The following FASTKD5 variants were observed in gnomAD, a reference collection of about 807,000 sequenced individuals.
The protein encoded by FASTKD5 is non-canonical pre-mRNAs endonuclease FASTKD5, mitochondrial.
A neutral mutation model predicts 44.0 loss-of-function variants in FASTKD5; 30 were observed. The ratio of observed to expected loss-of-function variants is 0.68; its 90% CI spans 0.51 to 0.93. The LOEUF is 0.93. Ranked by LOEUF, FASTKD5 falls within the 40% of genes least tolerant of loss-of-function variation. The pLI, the probability that FASTKD5 is intolerant of heterozygous loss-of-function variation, is 0.00. For missense variants in FASTKD5, 868 were observed against 908.2 expected, an observed-to-expected ratio of 0.96 and a Z score of 0.57; for synonymous variants, 335 against 342.2, an observed-to-expected ratio of 0.98 and a Z score of 0.23.
intron 1 of FASTKD5, among the ~76,000 whole-genome samples, chr20:3,152,871 A>G (rs2066645744): frequency 6.6e-6 from 1 of 151,964 alleles, no homozygotes; most frequent in Admixed American, 6.6e-5. Context: ...ATACTACTGC[A>G]TTGCAGCCTG....
chr20:3,153,992 A>C (rs142954866), intron 1 of FASTKD5, among the ~76,000 whole-genome samples: 1 of 152,292 alleles, frequency 6.6e-6, no homozygotes, highest in East Asian at 1.9e-4. Context: ...CTGTACTTTA[A>C]AAAAGAACAA....
In FASTKD5 at chr20:3,146,713, T is replaced by C; in HGVS notation, c.*63A>G. 6.6e-7 allele frequency: 1 copy of C among 1,518,596 alleles called. No individual in the cohort carries two copies. Among genetic ancestry groups the C allele is most frequent in the Non-Finnish European group, 8.8e-7 (1 of 1,132,104 alleles). 94.1% of individuals were successfully genotyped at this position (1,518,596 alleles called of 1,614,324 possible). A position where few individuals can be genotyped will look rare whatever the true frequency, so the allele number is the denominator to read the frequency against. On this transcript the variant is annotated 3_prime_UTR_variant, in exon 2 of 2. Transcript: ENST00000380266. ...ACTTACATTCTGGCTTTTATAATCA[T>C]TTTGCAACACCTGGTACAGTATACA...
chr20:3,157,965 C>G (rs1005820905), intron 1 of FASTKD5, among the ~76,000 whole-genome samples: 1 of 151,902 alleles, frequency 6.6e-6, no homozygotes, highest in Non-Finnish European at 1.5e-5. Context: ...GTGCAATCTC[C>G]GCTCACTGCA....
At chr20:3,152,648 C>T (rs1266015685) in intron 1 of FASTKD5, among the ~76,000 whole-genome samples, 10 of 152,154 alleles carry the variant, frequency 6.6e-5, no homozygotes, top group Admixed American at 6.5e-4. Context: ...TGGCTCACAC[C>T]TATAATCCCA....
rs746224837 is a variant in FASTKD5, at chr20:3,149,003, C to T, written c.68G>A (p.Gly23Asp). 3 of 1,613,910 alleles carry T rather than the reference C, an allele frequency of 1.9e-6. No individual in the cohort carries two copies. Among genetic ancestry groups the T allele is most frequent in the Non-Finnish European group, 2.5e-6 (3 of 1,180,006 alleles). The change falls in exon 2 of 2, where the codon GGT (glycine) becomes GAT (aspartate). Residue 23 changes from glycine to aspartate, a missense_variant. Coordinates refer to ENST00000380266, the MANE Select transcript of FASTKD5 (RefSeq NM_021826.5). The surrounding 1 kb of genome is among the most constrained non-coding windows in gnomAD (Gnocchi z 4.1). ...YRAFCSPSAF[G>D]AVRSVSYWNV... ...CCAGTATGACACACTTCGGACTGCA[C>T]CAAAGGCAGAAGGACTGCAAAATGC...
At position 3,146,556 on chromosome 20, in the gene FASTKD5, T is replaced by C. The variant is rs1462874185; in HGVS notation, c.*220A>G. 3 of 516,948 alleles carry C rather than the reference T, an allele frequency of 5.8e-6. No homozygotes were observed. The highest frequency in any genetic ancestry group is 1.0e-5 in the Non-Finnish European group (3 of 296,982). The allele number at this position is 516,948 out of a possible 1,614,324, so 32.0% of individuals were successfully genotyped here. A position where few individuals can be genotyped will look rare whatever the true frequency, so the allele number is the denominator to read the frequency against. On this transcript the variant is annotated 3_prime_UTR_variant, in exon 2 of 2. Coordinates refer to ENST00000380266, the MANE Select transcript of FASTKD5 (RefSeq NM_021826.5). ...AGGACATATTAAGATGTTTATTATT[T>C]ACTAAGAGTAACATGTATACATTTG...
In FASTKD5 at chr20:3,147,519, C is replaced by T. The variant is rs754360558; in HGVS notation, c.1552G>A (p.Asp518Asn). ...GGACACTCAATGCCAACTGTACCAT[C>T]GAGGGTATATAGTTCCTTAAGGAGG... Reference protein sequence around the residue: ...FDLLKELYTLDGTVGIECPDY... With the variant: ...FDLLKELYTLNGTVGIECPDY... Residue 518 changes from aspartate (D) to asparagine (N), a missense_variant, in exon 2 of 2, where the codon GAT (aspartate) becomes AAT (asparagine). Asp to Asn is a conservative substitution (Grantham distance 23). Coordinates refer to ENST00000380266, the MANE Select transcript of FASTKD5 (RefSeq NM_021826.5). 4 of 1,614,194 alleles carry T rather than the reference C, an allele frequency of 2.5e-6. No individual in the cohort carries two copies. Among genetic ancestry groups the T allele is most frequent in the Non-Finnish European group, 3.4e-6 (4 of 1,180,030 alleles).
At position 3,147,731 on chromosome 20, in the gene FASTKD5, G is replaced by T; in HGVS notation, c.1340C>A (p.Ala447Glu). The T allele has an allele frequency of 6.2e-7, 1 of 1,614,202 alleles. No individual in the cohort carries two copies. Among genetic ancestry groups the T allele is most frequent in the Non-Finnish European group, 8.5e-7 (1 of 1,180,040 alleles). Residue 447 changes from alanine (A) to glutamate (E), a missense_variant, in exon 2 of 2, where the codon GCA (alanine) becomes GAA (glutamate). Coordinates refer to ENST00000380266, the MANE Select transcript of FASTKD5 (RefSeq NM_021826.5). Reference protein sequence around the residue: ...FGTLNYKPPNAEEFYSSLISE... With the variant: ...FGTLNYKPPNEEEFYSSLISE... ...TATCAGGCTGGAGTAAAATTCTTCTGCATTGGGTGGCTTATAATTCAGAGT... is the reference window on the plus strand; with the variant it reads ...TATCAGGCTGGAGTAAAATTCTTCTTCATTGGGTGGCTTATAATTCAGAGT...
At position 3,148,045 on chromosome 20, in the gene FASTKD5, G is replaced by T; in HGVS notation, c.1026C>A (p.Asp342Glu). The T allele has an allele frequency of 1.9e-6, 3 of 1,614,170 alleles. No individual in the cohort carries two copies. Among genetic ancestry groups the T allele is most frequent in the Non-Finnish European group, 2.5e-6 (3 of 1,180,038 alleles). Residue 342 changes from aspartate (D) to glutamate (E), a missense_variant, in exon 2 of 2, where the codon GAC becomes GAA. Coordinates refer to ENST00000380266, the MANE Select transcript of FASTKD5 (RefSeq NM_021826.5). ...LSEFVMRKIG[D>E]LACANIQHLS... The stretch of plus-strand genomic sequence containing the variant: ...GATGCTGAATGTTAGCACAAGCCAA[G>T]TCTCCAATTTTCCGCATGACAAATT...
At chr20:3,154,321 A>G (rs1271782954) in intron 1 of FASTKD5, among the ~76,000 whole-genome samples, 1 of 152,258 alleles carries the variant, frequency 6.6e-6, no homozygotes, top group Non-Finnish European at 1.5e-5. Flanking sequence ...ACAAAAAGCC[A>G]TGCTAATAAA....
At chr20:3,157,837 AAGGCTGTATAG>A (rs1302842545) in intron 1 of FASTKD5, among the ~76,000 whole-genome samples, 11 of 152,226 alleles carry the variant, frequency 7.2e-5, no homozygotes, top group Admixed American at 1.3e-4. Flanking sequence ...TACAATTTGC[AAGGCTGTATAG>A]AGGCTGTATA....
In FASTKD5 at chr20:3,149,904, AGCTACTCAGGAGGCTGAGGCAGG is replaced by A. The variant is rs2066607467; in HGVS notation, c.-190-667_-190-645del. Among the ~76,000 whole-genome samples, 1 of 152,018 alleles carries A rather than the reference AGCTACTCAGGAGGCTGAGGCAGG, an allele frequency of 6.6e-6. No homozygotes were observed. Among genetic ancestry groups the A allele is most frequent in the Admixed American group, 6.6e-5 (1 of 15,242 alleles). ...TGTGGCAGCACACACCTGTAATCCC[AGCTACTCAGGAGGCTGAGGCAGG>A]AGAATCCCTTGAACCCAGGAGGCAG... On this transcript the variant is annotated intron_variant, in intron 1 of 1. Transcript: ENST00000380266. The surrounding 1 kb of genome is among the most constrained non-coding windows in gnomAD (Gnocchi z 4.1).
Position 3,148,145 on chromosome 20 carries a change from T to C in FASTKD5, c.926A>G (p.Tyr309Cys), listed in dbSNP as rs1479544419. 2.5e-6 allele frequency: 4 copies of C among 1,613,784 alleles called. No homozygotes were observed. Among genetic ancestry groups the C allele is most frequent in the Non-Finnish European group, 3.4e-6 (4 of 1,179,974 alleles). The change falls in exon 2 of 2, where the codon TAT (tyrosine) becomes TGT (cysteine). Residue 309 changes from tyrosine (Y) to cysteine (C), a missense_variant. By Grantham distance (194) the Tyr-to-Cys change is radical. Transcript: ENST00000380266. ...MQKLESLILK[Y>C]IDLINLEEVG... is the part of the protein sequence containing the mutation. The stretch of plus-strand genomic sequence containing the variant: ...CTCCTCCAAATTGATCAAATCTATA[T>C]ATTTAAGGATCAATGATTCCAATTT...
intron 1 of FASTKD5, among the ~76,000 whole-genome samples, chr20:3,153,494 C>T (rs2066652581): frequency 6.6e-6 from 1 of 152,226 alleles, no homozygotes; most frequent in South Asian, 2.1e-4. Context: ...CCAAAAGTTA[C>T]ACAGCCAAGG....
rs1384310625 is a variant in FASTKD5 at position 3,148,802 on chromosome 20, G to A, written c.269C>T (p.Thr90Ile). The A allele has an allele frequency of 3.1e-6, 5 of 1,614,244 alleles. No individual in the cohort carries two copies. Among genetic ancestry groups the A allele is most frequent in the Non-Finnish European group, 3.4e-6 (4 of 1,180,034 alleles). Residue 90 changes from threonine to isoleucine, a missense_variant, in exon 2 of 2, where the codon ACA (threonine) becomes ATA (isoleucine). Physicochemically the swap from Thr to Ile is moderately conservative, Grantham distance 89 (BLOSUM62 -1). Coordinates refer to ENST00000380266, the MANE Select transcript of FASTKD5 (RefSeq NM_021826.5). Reference sequence around the variant, plus strand: ...GGCCCTGGGTGAGCCCAGCTGCAATGTACTGGCCTTAGAGGAAGAAGTCTT... The same window carrying A: ...GGCCCTGGGTGAGCCCAGCTGCAATATACTGGCCTTAGAGGAAGAAGTCTT... ...FSKTSSSKAS[T>I]LQLGSPRATG...
In FASTKD5 at chr20:3,146,846, G is replaced by A. The variant is rs1338312272; in HGVS notation, c.2225C>T (p.Pro742Leu). The change falls in exon 2 of 2, where the codon CCA becomes CTA. Residue 742 changes from proline (P) to leucine (L), a missense_variant. Transcript: ENST00000380266. ...VVELSYWEWL[P>L]LLKRTRLEKL... The stretch of plus-strand genomic sequence containing the variant: ...TTCTAAGCGAGTTCGTTTCAGTAGT[G>A]GGAGCCATTCCCAGTAGGATAACTC... The A allele has an allele frequency of 1.2e-6, 2 of 1,614,062 alleles. No individual in the cohort carries two copies. Among genetic ancestry groups the A allele is most frequent in the Admixed American group, 1.7e-5 (1 of 60,002 alleles).
chr20:3,158,977 G>A (rs1352255800), intron 1 of FASTKD5, among the ~76,000 whole-genome samples: 1 of 152,212 alleles, frequency 6.6e-6, no homozygotes, highest in African/African-American at 2.4e-5. Context: ...TAACGCAGCT[G>A]GCTATCAGCT....
chr20:3,146,837 T>C lies in FASTKD5; in HGVS notation c.2234A>G (p.Lys745Arg), dbSNP rs1374510710. 1.2e-6 allele frequency: 2 copies of C among 1,614,032 alleles called. No individual in the cohort carries two copies. Among genetic ancestry groups the C allele is most frequent in the African/African-American group, 2.7e-5 (2 of 74,914 alleles). The stretch of plus-strand genomic sequence containing the variant: ...CGCCAACTTTTCTAAGCGAGTTCGT[T>C]TCAGTAGTGGGAGCCATTCCCAGTA... ...LSYWEWLPLLKRTRLEKLAFL... is the reference protein window; with the variant it reads ...LSYWEWLPLLRRTRLEKLAFL... The change falls in exon 2 of 2, where the codon AAA becomes AGA. Residue 745 changes from lysine (K) to arginine (R), a missense_variant. By Grantham distance (26) the Lys-to-Arg change is conservative (BLOSUM62 2). Coordinates refer to ENST00000380266, the MANE Select transcript of FASTKD5 (RefSeq NM_021826.5).
chr20:3,158,222 C>T (rs2066709371), intron 1 of FASTKD5, among the ~76,000 whole-genome samples: 1 of 152,068 alleles, frequency 6.6e-6, no homozygotes, highest in South Asian at 2.1e-4. Flanking sequence ...CCTTCCACTT[C>T]GGCCTCCCAA....
Sources: allele counts gnomAD v4.1 joint callset (sites outside exome capture counted in the v4.1 genomes callset), GRCh38; gene constraint gnomAD v4.1.1; non-coding constraint Gnocchi (gnomAD v3.1); transcripts MANE v1.5; gene names NCBI Gene and HGNC (gene_info 2026-07-23, HGNC 2026-07-21).